Variants in KCNU1 observed in about 807,000 individuals in gnomAD.
KCNU1 encodes potassium calcium-activated channel subfamily U member 1.
In KCNU1, 93 loss-of-function variants were observed where a neutral mutation model predicts 126.8. That is an observed-to-expected ratio of 0.73 (90% CI 0.62 to 0.87). The LOEUF is 0.87. KCNU1 is among the 40% of genes least tolerant of loss of function. The pLI is 0.00. For synonymous variants in KCNU1, 523 were observed against 494.2 expected, an observed-to-expected ratio of 1.06 and a Z score of -0.77; for missense variants, 1,330 against 1,367.1, an observed-to-expected ratio of 0.97 and a Z score of 0.43.
chr8:36,798,227 GC>G (rs1803178012), intron 2 of KCNU1, among the ~76,000 whole-genome samples: 1 of 151,998 alleles, frequency 6.6e-6, no homozygotes, highest in East Asian at 1.9e-4. Context: ...ATTTTATCTT[GC>G]CCAAATTCCT....
intron 19 of KCNU1, among the ~76,000 whole-genome samples, chr8:36,880,925 T>C (rs1806452438): frequency 6.6e-6 from 1 of 152,108 alleles, no homozygotes; most frequent in Non-Finnish European, 1.5e-5. Context: ...CATCCTGTTG[T>C]TGGGCTTGGG....
chr8:36,813,503 A>T (rs576257596), intron 7 of KCNU1, among the ~76,000 whole-genome samples: 1 of 150,486 alleles, frequency 6.6e-6, no homozygotes, highest in South Asian at 2.1e-4. Context: ...GTTATATATA[A>T]TATATTATGT....
At chr8:36,921,396 A>T (rs1330838046) in intron 23 of KCNU1, among the ~76,000 whole-genome samples, 1 of 152,118 alleles carries the variant, frequency 6.6e-6, no homozygotes, top group Non-Finnish European at 1.5e-5. Flanking sequence ...TGCTGTTCTT[A>T]AGACAAACGT....
chr8:36,900,970 T>A (rs1807395177), intron 19 of KCNU1, among the ~76,000 whole-genome samples: 1 of 152,040 alleles, frequency 6.6e-6, no homozygotes, highest in African/African-American at 2.4e-5. Context: ...GAAAACTCTC[T>A]TAAGAATTTA....
At chr8:36,915,745 C>T (rs1020861084) in intron 22 of KCNU1, among the ~76,000 whole-genome samples, 2 of 152,126 alleles carry the variant, frequency 1.3e-5, no homozygotes, top group Non-Finnish European at 2.9e-5. Context: ...TCAGAGAAGC[C>T]CCCCTTTGGG....
intron 23 of KCNU1, among the ~76,000 whole-genome samples, chr8:36,920,079 C>A (rs1319004071): frequency 6.6e-6 from 1 of 152,162 alleles, no homozygotes; most frequent in African/African-American, 2.4e-5. Context: ...CTGTCTGCTG[C>A]AGTTTTTAAT....
chr8:36,830,497 G>A (rs1169072391), intron 10 of KCNU1, among the ~76,000 whole-genome samples: 5 of 151,976 alleles, frequency 3.3e-5, no homozygotes, highest in East Asian at 3.9e-4. Flanking sequence ...TGAATCTCAC[G>A]GATATTTTTG....
At chr8:36,900,401 A>T (rs1807366516) in intron 19 of KCNU1, among the ~76,000 whole-genome samples, 1 of 147,634 alleles carries the variant, frequency 6.8e-6, no homozygotes, top group Admixed American at 7.0e-5. Context: ...TAAAGAATAA[A>T]CAGCAATGAG....
Position 36,922,586 on chromosome 8 carries a change from G to A in KCNU1, c.2693G>A (p.Gly898Asp), listed in dbSNP as rs1808396046. ...NLHLSTAFSTGTVFSGSFLDS... is the reference protein window; with the variant it reads ...NLHLSTAFSTDTVFSGSFLDS... ...CATCTCAGCACTGCCTTTTCTACGGGCACTGTTTTTTCCGGCAGCTTCTTG... is the reference window on the plus strand; with the variant it reads ...CATCTCAGCACTGCCTTTTCTACGGACACTGTTTTTTCCGGCAGCTTCTTG... The change falls in exon 24 of 27, where the codon GGC becomes GAC. Residue 898 changes from glycine (G) to aspartate (D), a missense_variant. Gly to Asp is a moderately conservative substitution (Grantham distance 94, BLOSUM62 -1). This residue lies in a region of KCNU1 where 1,054 missense variants were observed against 1,053.9 expected (regional missense o/e 1.00). Transcript: ENST00000399881. The A allele has an allele frequency of 6.8e-6, 11 of 1,613,600 alleles. No individual in the cohort carries two copies. Among genetic ancestry groups the A allele is most frequent in the Non-Finnish European group, 9.3e-6 (11 of 1,179,760 alleles).
At chr8:36,877,152 G>T (rs1427622384) in intron 19 of KCNU1, among the ~76,000 whole-genome samples, 1 of 152,148 alleles carries the variant, frequency 6.6e-6, no homozygotes, top group African/African-American at 2.4e-5. Flanking sequence ...AGCAGGGGCT[G>T]CAGATTCCTC....
intron 10 of KCNU1, among the ~76,000 whole-genome samples, chr8:36,822,131 C>G (rs1265154609): frequency 6.6e-6 from 1 of 152,080 alleles, no homozygotes; most frequent in Non-Finnish European, 1.5e-5. Flanking sequence ...CAACAAGTGA[C>G]AGTATGCCGG....
intron 23 of KCNU1, among the ~76,000 whole-genome samples, chr8:36,920,586 G>A (rs1463182398): frequency 8.5e-5 from 13 of 152,148 alleles, no homozygotes; most frequent in Admixed American, 8.5e-4. Context: ...ATGTTGATGT[G>A]GGAGTTGCAG....
At chr8:36,902,826 G>A (rs997925228) in intron 19 of KCNU1, among the ~76,000 whole-genome samples, 4 of 152,090 alleles carry the variant, frequency 2.6e-5, no homozygotes, top group Non-Finnish European at 4.4e-5. Context: ...TAAGAGAGCC[G>A]GTGGGGCTTT....
rs576625005 is a variant in KCNU1 at position 36,918,390 on chromosome 8, TA to T, written c.2522-422del. On this transcript the variant is annotated intron_variant, in intron 22 of 26. Transcript: ENST00000399881. ...GACCCCATCTCTGCAAAGATAAAAATAAAAAAAAAAATAAATTAGCTGGGTA... is the reference window on the plus strand; with the variant it reads ...GACCCCATCTCTGCAAAGATAAAAATAAAAAAAAAATAAATTAGCTGGGTA... Among the ~76,000 whole-genome samples, 921 of 143,968 alleles carry T rather than the reference TA, an allele frequency of 6.4e-3. 7 individuals carry two copies. The highest frequency in any genetic ancestry group is 0.019 in the African/African-American group (740 of 39,478). The allele number at this position is 143,968 out of a possible 152,430, so 94.4% of individuals were successfully genotyped here. A position where few individuals can be genotyped will look rare whatever the true frequency, so the allele number is the denominator to read the frequency against.
rs539213013 is a variant in KCNU1, at chr8:36,889,002, T to C, written c.2010-16706T>C. On this transcript the variant is annotated intron_variant, in intron 19 of 26. Transcript: ENST00000399881. Reference sequence around the variant, plus strand: ...CAAGTGATTCTCCTGCCTCAGTCTCTTCAGTAGCTGAGATTACAGGCATAC... The same window carrying C: ...CAAGTGATTCTCCTGCCTCAGTCTCCTCAGTAGCTGAGATTACAGGCATAC... 4.9e-4 allele frequency: 201 copies of C among 414,072 alleles called. 5 individuals carry two copies. Among genetic ancestry groups the C allele is most frequent in the South Asian group, 3.4e-3 (179 of 53,340 alleles). 25.6% of individuals were successfully genotyped at this position (414,072 alleles called of 1,614,324 possible).
At chr8:36,883,278 G>A (rs537889636) in intron 19 of KCNU1, among the ~76,000 whole-genome samples, 202 of 152,282 alleles carry the variant, frequency 1.3e-3, no homozygotes, top group African/African-American at 4.5e-3. Flanking sequence ...GAAGAGACAC[G>A]TGGCACTAGG....
At chr8:36,926,888 C>G (rs374047181) in intron 24 of KCNU1, among the ~76,000 whole-genome samples, 3 of 152,130 alleles carry the variant, frequency 2.0e-5, no homozygotes, top group African/African-American at 7.2e-5. Flanking sequence ...GCATTCAGGA[C>G]AGGCTCCCTG....
chr8:36,845,384 T>C (rs1805105495), intron 16 of KCNU1, among the ~76,000 whole-genome samples, 196 bp from the exon 17 acceptor site: 1 of 152,178 alleles, frequency 6.6e-6, no homozygotes, highest in African/African-American at 2.4e-5. Flanking sequence ...GGCTCCCCTC[T>C]GCATAGTCAG....
At position 36,846,525 on chromosome 8, in the gene KCNU1, C is replaced by T. The variant is rs540872803; in HGVS notation, c.1891+626C>T. 4.5e-3 allele frequency among the ~76,000 whole-genome samples: 692 copies of T among 152,218 alleles called. 2 individuals carry two copies. Among genetic ancestry groups the T allele is most frequent in the African/African-American group, 0.015 (617 of 41,526 alleles). On this transcript the variant is annotated intron_variant, in intron 18 of 26. Transcript: ENST00000399881. ...TTCTAGTTTAAAATTTAGCCTCAGTCGGGCACGGTGGCTCACACCTGTAAT... is the reference window on the plus strand; with the variant it reads ...TTCTAGTTTAAAATTTAGCCTCAGTTGGGCACGGTGGCTCACACCTGTAAT...
Sources: gnomAD v4.1 joint callset for allele counts (sites outside exome capture counted in the v4.1 genomes callset) on GRCh38, gnomAD v4.1.1 for gene constraint, gnomAD v4.1.1 regional missense constraint, MANE v1.5 for transcripts, NCBI Gene and HGNC (gene_info 2026-07-23, HGNC 2026-07-21) for gene names.